NMNAT2: variants seen among roughly 807,000 people sequenced by gnomAD.
NMNAT2 encodes the protein nicotinamide nucleotide adenylyltransferase 2, also known as nicotinamide/nicotinic acid mononucleotide adenylyltransferase 2.
Under a neutral mutation model 41.6 loss-of-function variants are expected in NMNAT2, and 11 were observed. The ratio of observed to expected loss-of-function variants is 0.26; its 90% CI spans 0.17 to 0.44. The LOEUF is 0.44. Among genes scored for constraint, NMNAT2 ranks in the 20% least tolerant of loss-of-function variants. The pLI is 1.00. For missense variants in NMNAT2, 288 were observed against 407.7 expected (o/e 0.71, Z 2.53); for synonymous variants, 148 against 151.2 (o/e 0.98, Z 0.16).
chr1:183,417,138 A>G (rs1649277542), intron 1 of NMNAT2, among the ~76,000 whole-genome samples: 1 of 152,022 alleles, frequency 6.6e-6, no homozygotes, highest in African/African-American at 2.4e-5. Flanking sequence ...CTCATGCCCC[A>G]CGCCTTTGAG....
At chr1:183,409,415 C>G (rs1032107165) in intron 1 of NMNAT2, among the ~76,000 whole-genome samples, 1 of 152,110 alleles carries the variant, frequency 6.6e-6, no homozygotes, top group African/African-American at 2.4e-5. Context: ...CTCATGGGCT[C>G]AAGCCATCCT....
chr1:183,279,243 G>A (rs1179475611), intron 7 of NMNAT2, among the ~76,000 whole-genome samples: 1 of 152,190 alleles, frequency 6.6e-6, no homozygotes, highest in Non-Finnish European at 1.5e-5. Flanking sequence ...CTTCCTGCTT[G>A]TCAGTTGTTT....
chr1:183,405,538 C>A (rs1648929499), intron 1 of NMNAT2, among the ~76,000 whole-genome samples: 1 of 152,170 alleles, frequency 6.6e-6, no homozygotes, highest in Non-Finnish European at 1.5e-5. Flanking sequence ...TTGCAGGGAA[C>A]AAGGTCATTT....
At chr1:183,299,299 C>T (rs1227492077) in intron 1 of NMNAT2, among the ~76,000 whole-genome samples, 1 of 151,794 alleles carries the variant, frequency 6.6e-6, no homozygotes, top group Non-Finnish European at 1.5e-5. Context: ...TTGCTTGAAC[C>T]TGGGAGGTGG....
chr1:183,324,846 G>T (rs958817910), intron 1 of NMNAT2, among the ~76,000 whole-genome samples: 2 of 151,988 alleles, frequency 1.3e-5, no homozygotes, highest in African/African-American at 4.8e-5. Context: ...ACTCCCCGGG[G>T]GCAGGGACTT....
chr1:183,340,321 C>CTTT (rs34610627), intron 1 of NMNAT2, among the ~76,000 whole-genome samples: 2 of 114,782 alleles, frequency 1.7e-5, no homozygotes, highest in Non-Finnish European at 3.6e-5. Flanking sequence ...CCTGGGTTAG[C>CTTT]TTTTTTTTTT....
intron 1 of NMNAT2, among the ~76,000 whole-genome samples, chr1:183,340,552 G>A (rs1425305750): frequency 6.6e-6 from 1 of 152,258 alleles, no homozygotes; most frequent in Admixed American, 6.5e-5. Context: ...TTGAACTCCT[G>A]ACCTCGGGTG....
At chr1:183,362,271 T>C (rs1244766954) in intron 1 of NMNAT2, among the ~76,000 whole-genome samples, 2 of 152,166 alleles carry the variant, frequency 1.3e-5, no homozygotes, top group Non-Finnish European at 1.5e-5. Flanking sequence ...ATAATTCACA[T>C]ATCATAAAAT....
intron 1 of NMNAT2, among the ~76,000 whole-genome samples, chr1:183,410,305 A>T (rs1649082040): frequency 6.6e-6 from 1 of 152,140 alleles, no homozygotes; most frequent in East Asian, 1.9e-4. Flanking sequence ...CCTGGGCGGC[A>T]GAGTGAGACT....
intron 1 of NMNAT2, among the ~76,000 whole-genome samples, chr1:183,294,424 G>T (rs542564177): frequency 6.6e-6 from 1 of 152,044 alleles, no homozygotes; most frequent in Non-Finnish European, 1.5e-5. Context: ...TTTTATTTTC[G>T]CAATAAATTT....
At chr1:183,262,573 G>A (rs1660689253) in intron 8 of NMNAT2, among the ~76,000 whole-genome samples, 1 of 151,818 alleles carries the variant, frequency 6.6e-6, no homozygotes, top group Admixed American at 6.6e-5. Flanking sequence ...CTGATTTTTT[G>A]CAATTATACA....
Position 183,249,052 on chromosome 1 carries a change from A to C in NMNAT2, c.*3589T>G, listed in dbSNP as rs1660303790. 1 of 152,124 alleles carries C rather than the reference A, an allele frequency of 6.6e-6. No homozygotes were observed. Among genetic ancestry groups the C allele is most frequent in the Non-Finnish European group, 1.5e-5 (1 of 68,028 alleles). 9.4% of individuals were successfully genotyped at this position (152,124 alleles called of 1,614,324 possible). On this transcript the variant is annotated 3_prime_UTR_variant, in exon 11 of 11. Coordinates refer to ENST00000287713, the MANE Select transcript of NMNAT2 (RefSeq NM_015039.4). ...CACTTTCTACTTAATTTGAACAGCA[A>C]GTTCTTTAATTCTTTCTGAGAAGCT...
chr1:183,301,699 C>T lies in NMNAT2; in HGVS notation c.86-7906G>A, dbSNP rs567708503. Among the ~76,000 whole-genome samples the T allele has an allele frequency of 3.3e-5, 5 of 152,338 alleles. No homozygotes were observed. In the East Asian group the frequency reaches 9.7e-4, roughly 29 times the overall value. On this transcript the variant is annotated intron_variant, in intron 1 of 10. Coordinates refer to ENST00000287713, the MANE Select transcript of NMNAT2 (RefSeq NM_015039.4). ...CAGGTAAATCTCCCTTCCTTATAGC[C>T]TGTGCTGGATGCTTGGATGTCCAGC...
At chr1:183,326,950 A>T (rs1662478276) in intron 1 of NMNAT2, among the ~76,000 whole-genome samples, 1 of 152,250 alleles carries the variant, frequency 6.6e-6, no homozygotes. Flanking sequence ...ATTAATCTCC[A>T]GTCACACAAC....
chr1:183,251,736 A>C lies in NMNAT2; in HGVS notation c.*905T>G, dbSNP rs566718166. On this transcript the variant is annotated 3_prime_UTR_variant, in exon 11 of 11. Coordinates refer to ENST00000287713, the MANE Select transcript of NMNAT2 (RefSeq NM_015039.4). ...CTCTGTGTGATCATAAGCTCAGAGC[A>C]TCAGGGAAATGGTCATTTGAAACTA... 2 of 153,156 alleles carry C rather than the reference A, an allele frequency of 1.3e-5. No individual in the cohort carries two copies. Among genetic ancestry groups the C allele is most frequent in the East Asian group, 3.8e-4 (2 of 5,196 alleles). 9.5% of individuals were successfully genotyped at this position (153,156 alleles called of 1,614,324 possible). A position where few individuals can be genotyped will look rare whatever the true frequency, so the allele number is the denominator to read the frequency against.
chr1:183,342,649 C>G (rs1297947455), intron 1 of NMNAT2, among the ~76,000 whole-genome samples: 1 of 152,202 alleles, frequency 6.6e-6, no homozygotes, highest in Non-Finnish European at 1.5e-5. Context: ...ACAGTTCTCT[C>G]TCTTGGTCTT....
intron 1 of NMNAT2, among the ~76,000 whole-genome samples, chr1:183,415,093 C>T (rs968504125): frequency 2.0e-5 from 3 of 152,152 alleles, no homozygotes; most frequent in African/African-American, 7.2e-5. Context: ...GCCATCCTCC[C>T]ACCTCAGCCT....
intron 1 of NMNAT2, among the ~76,000 whole-genome samples, chr1:183,390,636 C>G (rs754997201): frequency 6.6e-6 from 1 of 152,148 alleles, no homozygotes; most frequent in African/African-American, 2.4e-5. Context: ...ACTCATGCTT[C>G]GGATGCCTGG....
intron 1 of NMNAT2, among the ~76,000 whole-genome samples, chr1:183,294,190 T>C (rs951725517): frequency 6.6e-6 from 1 of 151,780 alleles, no homozygotes; most frequent in Non-Finnish European, 1.5e-5. Flanking sequence ...AAAAGCCTCC[T>C]TATAATATGA....
Sources: gnomAD v4.1 joint callset for allele counts (sites outside exome capture counted in the v4.1 genomes callset) on GRCh38, gnomAD v4.1.1 for gene constraint, MANE v1.5 for transcripts, NCBI Gene and HGNC (gene_info 2026-07-23, HGNC 2026-07-21) for gene names.